PTPRD: variants seen among roughly 807,000 people sequenced by gnomAD.
PTPRD encodes the protein protein tyrosine phosphatase receptor type D.
A neutral mutation model predicts 214.5 loss-of-function variants in PTPRD; 34 were observed. That is an observed-to-expected ratio of 0.16 (90% CI 0.12 to 0.21). The LOEUF is 0.21. PTPRD is among the 10% of genes least tolerant of loss of function. The probability of loss-of-function intolerance (pLI) is 1.00; values close to 1 mark genes in which losing one functional copy is unlikely to be tolerated. For synonymous variants in PTPRD, 1,128 were observed against 845.7 expected, an observed-to-expected ratio of 1.33 and a Z score of -5.79; for missense variants, 2,545 against 2,398.7, an observed-to-expected ratio of 1.06 and a Z score of -1.27.
intron 11 of PTPRD, among the ~76,000 whole-genome samples, chr9:8,930,085 T>C (rs1293013651): frequency 6.6e-6 from 1 of 151,760 alleles, no homozygotes; most frequent in Admixed American, 6.6e-5. Flanking sequence ...ACATTAGGTA[T>C]ATCTCCTAAT....
chr9:10,112,602 C>T (rs1056221389), intron 3 of PTPRD, among the ~76,000 whole-genome samples: 3 of 152,136 alleles, frequency 2.0e-5, no homozygotes, highest in Non-Finnish European at 4.4e-5. Context: ...ATTAACCCTG[C>T]CCAGGCCGTG....
chr9:9,420,870 A>G (rs977158489), intron 8 of PTPRD, among the ~76,000 whole-genome samples: 3 of 151,998 alleles, frequency 2.0e-5, no homozygotes, highest in Admixed American at 6.6e-5. Context: ...ATATCTTTTC[A>G]TAAATGCAGA....
chr9:9,902,498 A>G (rs2076639322), intron 5 of PTPRD, among the ~76,000 whole-genome samples: 1 of 152,186 alleles, frequency 6.6e-6, no homozygotes, highest in South Asian at 2.1e-4. Context: ...TGTTGATTAC[A>G]TAACAGTGTA....
chr9:9,350,413 C>T (rs1041362131), intron 9 of PTPRD, among the ~76,000 whole-genome samples: 8 of 152,008 alleles, frequency 5.3e-5, no homozygotes, highest in African/African-American at 1.7e-4. Context: ...GTTTGCCATA[C>T]CCTTTTGTAC....
chr9:10,563,776 T>C (rs1472970260), intron 2 of PTPRD, among the ~76,000 whole-genome samples: 1 of 152,060 alleles, frequency 6.6e-6, no homozygotes, highest in Non-Finnish European at 1.5e-5. Context: ...AATTTTGATG[T>C]TGAGTAAAAC....
At chr9:10,441,339 C>T (rs2098757092) in intron 2 of PTPRD, among the ~76,000 whole-genome samples, 1 of 151,714 alleles carries the variant, frequency 6.6e-6, no homozygotes, top group South Asian at 2.1e-4. Context: ...TTCCTTTACT[C>T]TTTCCTATGT....
At chr9:10,269,717 C>T (rs566860730) in intron 3 of PTPRD, among the ~76,000 whole-genome samples, 68 of 151,892 alleles carry the variant, frequency 4.5e-4, no homozygotes, top group African/African-American at 1.6e-3. Context: ...CTTACTGGAA[C>T]TTTTTAAGTC....
chr9:9,435,547 C>T (rs1004987035), intron 8 of PTPRD, among the ~76,000 whole-genome samples: 16 of 152,068 alleles, frequency 1.1e-4, no homozygotes, highest in African/African-American at 3.6e-4. Flanking sequence ...ATTTTAAGTG[C>T]TAAGGATTTG....
chr9:9,541,333 T>A (rs1408286935), intron 8 of PTPRD, among the ~76,000 whole-genome samples: 1 of 151,778 alleles, frequency 6.6e-6, no homozygotes, highest in Non-Finnish European at 1.5e-5. Context: ...AGAGGTCATA[T>A]GGAGGCGCTC....
intron 2 of PTPRD, among the ~76,000 whole-genome samples, chr9:10,397,680 T>C (rs1286840178): frequency 6.6e-6 from 1 of 151,962 alleles, no homozygotes; most frequent in Admixed American, 6.6e-5. Flanking sequence ...TTACCTACGG[T>C]ATTTAGCACA....
chr9:8,349,178 A>G (rs1588321127), intron 39 of PTPRD, among the ~76,000 whole-genome samples: 1 of 152,208 alleles, frequency 6.6e-6, no homozygotes, highest in Non-Finnish European at 1.5e-5. Flanking sequence ...AGATAAAGTA[A>G]TGCTTATAAT....
intron 39 of PTPRD, among the ~76,000 whole-genome samples, chr9:8,343,077 C>G (rs1424843131): frequency 6.6e-6 from 1 of 152,164 alleles, no homozygotes; most frequent in Non-Finnish European, 1.5e-5. Flanking sequence ...TTAATGCTCA[C>G]CAGGGTGCCT....
At position 10,115,030 on chromosome 9, in the gene PTPRD, A is replaced by G. The variant is rs550729184; in HGVS notation, c.-544-81240T>C. Among the ~76,000 whole-genome samples, 129 of 147,694 alleles carry G rather than the reference A, an allele frequency of 8.7e-4. 1 individual carries two copies. Among genetic ancestry groups the G allele is most frequent in the African/African-American group, 2.6e-3 (106 of 40,404 alleles). On this transcript the variant is annotated intron_variant, in intron 3 of 45. Transcript: ENST00000381196. ...TTTCTTGGAGCATTACTTATTGGAT[A>G]AGAAAAAAAAACGAGAAAAAAAAAA... is the stretch of plus-strand genomic sequence containing the variant.
At chr9:8,668,117 C>A (rs569643647) in intron 12 of PTPRD, among the ~76,000 whole-genome samples, 1 of 152,170 alleles carries the variant, frequency 6.6e-6, no homozygotes, top group East Asian at 1.9e-4. Context: ...AAATATATCA[C>A]CCTGGAAAGA....
At chr9:9,981,712 G>A (rs1040475046) in intron 4 of PTPRD, among the ~76,000 whole-genome samples, 2 of 151,904 alleles carry the variant, frequency 1.3e-5, no homozygotes, top group African/African-American at 4.8e-5. Flanking sequence ...GGGTTCCAAT[G>A]GGGAAAAAGA....
intron 11 of PTPRD, among the ~76,000 whole-genome samples, chr9:8,744,769 C>T (rs145093966): frequency 8.5e-5 from 13 of 152,308 alleles, no homozygotes; most frequent in African/African-American, 2.6e-4. Context: ...CATAACCAAA[C>T]ACCATCTGTT....
chr9:9,947,436 T>TTATATATAA (rs2092811729), intron 4 of PTPRD, among the ~76,000 whole-genome samples: 1 of 28,474 alleles, frequency 3.5e-5, no homozygotes, highest in African/African-American at 3.8e-4. Flanking sequence ...TATATATATA[T>TTATATATAA]TATATATTTT....
intron 5 of PTPRD, among the ~76,000 whole-genome samples, chr9:9,816,257 G>C (rs192948946): frequency 6.6e-6 from 1 of 151,898 alleles, no homozygotes; most frequent in African/African-American, 2.4e-5. Flanking sequence ...AATTTTTTCC[G>C]TTAAAGAAAT....
chr9:9,562,926 G>A (rs376930304), intron 8 of PTPRD, among the ~76,000 whole-genome samples: 15 of 152,036 alleles, frequency 9.9e-5, no homozygotes, highest in South Asian at 4.1e-4. Context: ...CATCTTTGCC[G>A]CTTGTATTTA....
Sources: gnomAD v4.1 joint callset for allele counts (sites outside exome capture counted in the v4.1 genomes callset) on GRCh38, gnomAD v4.1.1 for gene constraint, MANE v1.5 for transcripts, NCBI Gene and HGNC (gene_info 2026-07-23, HGNC 2026-07-21) for gene names.